Variants in RALGAPA1 observed in about 807,000 individuals in gnomAD.
RALGAPA1 encodes Ral GTPase activating protein catalytic subunit alpha 1.
In RALGAPA1, 52 loss-of-function variants were observed where a neutral mutation model predicts 269.6. The ratio of observed to expected loss-of-function variants is 0.19; its 90% CI spans 0.15 to 0.24. The LOEUF (loss-of-function observed/expected upper bound fraction) is 0.24, where lower values mean the gene tolerates loss of function less well. Ranked by LOEUF, RALGAPA1 falls within the 10% of genes least tolerant of loss-of-function variation. The pLI is 1.00. For synonymous variants in RALGAPA1, 817 were observed against 1,008.3 expected (o/e 0.81, Z 3.60); for missense variants, 1,917 against 3,013.9 (o/e 0.64, Z 8.52).
intron 41 of RALGAPA1, chr14:35,542,531 G>C (rs1301527871): frequency 6.6e-6 from 1 of 152,192 alleles, no homozygotes; most frequent in Non-Finnish European, 1.5e-5. Context: ...TAACAATTTA[G>C]CAAATTACAT....
chr14:35,591,870 G>T (rs1269119009), intron 37 of RALGAPA1, among the ~76,000 whole-genome samples: 1 of 152,150 alleles, frequency 6.6e-6, no homozygotes, highest in Non-Finnish European at 1.5e-5. Flanking sequence ...CACCTGTACT[G>T]TTCTTGTGAT....
chr14:35,601,584 T>C (rs1402199414), intron 36 of RALGAPA1, among the ~76,000 whole-genome samples: 2 of 152,176 alleles, frequency 1.3e-5, no homozygotes, highest in Non-Finnish European at 2.9e-5. Flanking sequence ...AGGCTTTGGT[T>C]GGTGCTTTTT....
chr14:35,762,343 C>A (rs778826797), intron 5 of RALGAPA1, among the ~76,000 whole-genome samples: 1 of 152,134 alleles, frequency 6.6e-6, no homozygotes, highest in African/African-American at 2.4e-5. Flanking sequence ...GCAACCTCTG[C>A]CTCCAGGGTT....
At chr14:35,672,829 T>A in intron 25 of RALGAPA1, 38 bp downstream of exon 25, 1 of 1,449,534 alleles carries the variant, frequency 6.9e-7, no homozygotes, top group Non-Finnish European at 9.2e-7. Context: ...TAATATGATA[T>A]AAACTACTTC....
chr14:35,779,572 T>C lies in RALGAPA1; in HGVS notation c.107-3827A>G, dbSNP rs562080266. The stretch of plus-strand genomic sequence containing the variant: ...TAATGAAATAATAATAAAGAAATAA[T>C]AAATAATAATAAAGAAATAGGCTGC... On this transcript the variant is annotated intron_variant, in intron 1 of 41. Transcript: ENST00000680220. Among the ~76,000 whole-genome samples, 17 of 150,412 alleles carry C rather than the reference T, an allele frequency of 1.1e-4. No individual in the cohort carries two copies. The South Asian group carries it at 3.5e-3, about 31-fold the overall frequency.
At chr14:35,706,874 A>G (rs1210332729) in intron 16 of RALGAPA1, 1 of 152,092 alleles carries the variant, frequency 6.6e-6, no homozygotes, top group Non-Finnish European at 1.5e-5. Flanking sequence ...AATATCCACA[A>G]AATAACTTGT....
intron 1 of RALGAPA1, among the ~76,000 whole-genome samples, chr14:35,796,720 T>C (rs1038307884): frequency 2.7e-5 from 4 of 149,860 alleles, no homozygotes; most frequent in African/African-American, 9.8e-5. Flanking sequence ...TACAGTAGAG[T>C]AAAATCTTCA....
chr14:35,788,867 T>G (rs1285234536), intron 1 of RALGAPA1, among the ~76,000 whole-genome samples: 1 of 152,186 alleles, frequency 6.6e-6, no homozygotes, highest in African/African-American at 2.4e-5. Flanking sequence ...TTTTCTATCA[T>G]TGTCCATTGC....
chr14:35,784,561 T>G (rs1229078373), intron 1 of RALGAPA1, among the ~76,000 whole-genome samples: 2 of 152,176 alleles, frequency 1.3e-5, no homozygotes, highest in Non-Finnish European at 2.9e-5. Flanking sequence ...ATTCAACCCC[T>G]TGACATCCTA....
chr14:35,737,252 T>G (rs2071088109), intron 12 of RALGAPA1, among the ~76,000 whole-genome samples: 1 of 151,740 alleles, frequency 6.6e-6, no homozygotes, highest in Admixed American at 6.6e-5. Flanking sequence ...CAGCAAAAAA[T>G]TAAAATCTGA....
rs2058313920 is a variant in RALGAPA1 at position 35,586,665 on chromosome 14, G to A, written c.7209+8969C>T. Among the ~76,000 whole-genome samples the A allele has an allele frequency of 2.6e-5, 4 of 152,324 alleles. No homozygotes were observed. In the South Asian group the frequency reaches 8.3e-4, roughly 32 times the overall value. On this transcript the variant is annotated intron_variant, in intron 37 of 41. Transcript: ENST00000680220. ...TTGAGAGTTTTTAGCATGAAGAGCT[G>A]TTGAATTTTGTCGAAGGCCTTTTCT...
intron 38 of RALGAPA1, among the ~76,000 whole-genome samples, chr14:35,571,726 C>A (rs75299602): frequency 0.014 from 2,192 of 152,010 alleles, 22 homozygotes; most frequent in East Asian, 0.033. Context: ...ACCACCACCA[C>A]CAACAAAATG....
intron 36 of RALGAPA1, among the ~76,000 whole-genome samples, 158 bp downstream of exon 36, chr14:35,605,428 C>T (rs1240345417): frequency 1.3e-5 from 2 of 152,112 alleles, no homozygotes; most frequent in African/African-American, 4.8e-5. Flanking sequence ...CCAACTGCTG[C>T]TGTATGTGCA....
intron 41 of RALGAPA1, among the ~76,000 whole-genome samples, chr14:35,540,956 A>G (rs1428367607): frequency 6.6e-6 from 1 of 152,160 alleles, no homozygotes; most frequent in African/African-American, 2.4e-5. Flanking sequence ...ATGTTTATAA[A>G]CAAAAACAAA....
Position 35,674,562 on chromosome 14 carries a change from G to A in RALGAPA1, c.4772C>T (p.Ala1591Val). The A allele has an allele frequency of 6.2e-7, 1 of 1,608,436 alleles. No individual in the cohort carries two copies. The highest frequency in any genetic ancestry group is 8.5e-7 in the Non-Finnish European group (1 of 1,177,858). Residue 1591 changes from alanine (A) to valine (V), a missense_variant, in exon 23 of 42, where the codon GCT becomes GTT. Physicochemically the swap from Ala to Val is moderately conservative, Grantham distance 64. Transcript: ENST00000680220. The stretch of plus-strand genomic sequence containing the variant: ...TTCACAGAGGTAATCAAAAACTTGA[G>A]CATGTATTTCAGGATCCATGATTGA... ...VNSIMDPEIHAQVFDYLCELW... is the reference protein window; with the variant it reads ...VNSIMDPEIHVQVFDYLCELW...
At chr14:35,675,408 C>T (rs1334322431) in intron 22 of RALGAPA1, among the ~76,000 whole-genome samples, 1 of 152,192 alleles carries the variant, frequency 6.6e-6, no homozygotes, top group Non-Finnish European at 1.5e-5. Flanking sequence ...AAACTCCTGA[C>T]CTCATGATCC....
chr14:35,559,551 C>A (rs190076112), intron 39 of RALGAPA1, among the ~76,000 whole-genome samples: 106 of 152,138 alleles, frequency 7.0e-4, no homozygotes, highest in Non-Finnish European at 1.4e-3. Flanking sequence ...AAGATAGAAG[C>A]AAACTTCAAG....
chr14:35,728,417 T>C lies in RALGAPA1; in HGVS notation c.1681A>G (p.Ile561Val). The C allele has an allele frequency of 1.3e-6, 2 of 1,598,934 alleles. No individual in the cohort carries two copies. Among genetic ancestry groups the C allele is most frequent in the African/African-American group, 1.3e-5 (1 of 74,144 alleles). Residue 561 changes from isoleucine (I) to valine (V), a missense_variant, in exon 13 of 42, where the codon ATT becomes GTT. Around this residue, in one of 11 missense-constraint regions of RALGAPA1, gnomAD observed 462 missense variants for 725.6 expected, o/e 0.64. Transcript: ENST00000680220. Reference sequence around the variant, plus strand: ...ACCATGTACCGATAAATGTTAAGAATGCGTTTACACATATCTGTGTGTTCA... The same window carrying C: ...ACCATGTACCGATAAATGTTAAGAACGCGTTTACACATATCTGTGTGTTCA... ...LDEHTDMCKR[I>V]LNIYRYMVVQ...
Position 35,621,150 on chromosome 14 carries a change from G to C in RALGAPA1, c.6929+4211C>G, listed in dbSNP as rs1223636421. Among the ~76,000 whole-genome samples, 4 of 152,224 alleles carry C rather than the reference G, an allele frequency of 2.6e-5. No homozygotes were observed. In the East Asian group the frequency reaches 5.8e-4, roughly 22 times the overall value. On this transcript the variant is annotated intron_variant, in intron 35 of 41. Transcript: ENST00000680220. ...CAGTAACCAAAACAGCATGGTACTG[G>C]TACCAAAACAGATATATAGACCAAC...
Sources: gnomAD v4.1 joint callset for allele counts (sites outside exome capture counted in the v4.1 genomes callset) on GRCh38, gnomAD v4.1.1 for gene constraint, gnomAD v4.1.1 regional missense constraint, MANE v1.5 for transcripts, NCBI Gene and HGNC (gene_info 2026-07-23, HGNC 2026-07-21) for gene names.